ZNF248: variants seen among roughly 807,000 people sequenced by gnomAD.
ZNF248 encodes the protein zinc finger protein 248.
ZNF248 carries 20 observed loss-of-function variants against 44.3 expected under a neutral mutation model. The observed-to-expected ratio is 0.45, with a 90% confidence interval of 0.32 to 0.66. The LOEUF (loss-of-function observed/expected upper bound fraction) is 0.66. Among genes scored for constraint, ZNF248 ranks in the 30% least tolerant of loss-of-function variants. The pLI, the probability that ZNF248 is intolerant of heterozygous loss-of-function variation, is 0.04. For synonymous variants in ZNF248, 224 were observed against 229.0 expected (o/e 0.98, Z 0.20); for missense variants, 654 against 677.0 (o/e 0.97, Z 0.38).
the ZNF248 span, among the ~76,000 whole-genome samples, chr10:37,766,019 C>A: frequency 1.3e-5 from 2 of 152,384 alleles, no homozygotes; most frequent in East Asian, 3.9e-4. Flanking sequence ...GCTAGCACAG[C>A]AGTCTGAGAT....
chr10:37,819,250 T>C, intron 6 of ZNF248: 1 of 869,084 alleles, frequency 1.2e-6, no homozygotes, highest in South Asian at 1.3e-5. Context: ...ATTTGTGCCG[T>C]TTCAGATAGA....
intron 4 of ZNF248, 122 bp downstream of exon 4, chr10:37,837,863 G>A: frequency 7.0e-7 from 1 of 1,419,354 alleles, no homozygotes; most frequent in Non-Finnish European, 9.6e-7. Flanking sequence ...GCACCTTTAT[G>A]GTGGCCAAAT....
At chr10:37,772,258 G>C (rs1194798645), downstream of ZNF248, among the ~76,000 whole-genome samples, 4 of 147,668 alleles carry the variant, frequency 2.7e-5, no homozygotes, top group African/African-American at 1.0e-4. Flanking sequence ...GAGTGAGACT[G>C]TCTCAAGAAA....
At chr10:37,784,680 C>T (rs2047684456) in intron 6 of ZNF248, among the ~76,000 whole-genome samples, 1 of 152,142 alleles carries the variant, frequency 6.6e-6, no homozygotes, top group Admixed American at 6.5e-5. Context: ...TTGTCTCGTC[C>T]TAGTCTTGCT....
At chr10:37,768,264 C>T in the ZNF248 span, among the ~76,000 whole-genome samples, 16,691 of 152,190 alleles carry the variant, frequency 0.11, 1,166 homozygotes, top group Admixed American at 0.19. Context: ...CTCAGCTCTG[C>T]ACCAAGCAGA....
At chr10:37,833,227 G>T in intron 5 of ZNF248, 111 bp from the exon 6 acceptor site, 1 of 1,413,556 alleles carries the variant, frequency 7.1e-7, no homozygotes, top group Non-Finnish European at 9.2e-7. Flanking sequence ...TTTAAATTCA[G>T]TTTCCTGGTG....
chr10:37,769,965 C>T, the ZNF248 span, among the ~76,000 whole-genome samples: 2 of 152,158 alleles, frequency 1.3e-5, no homozygotes, highest in Non-Finnish European at 2.9e-5. Flanking sequence ...CACAAGCATT[C>T]TTATACACCA....
intron 1 of ZNF248, 117 bp downstream of exon 1, chr10:37,857,068 G>A (rs1215844192): frequency 1.3e-5 from 2 of 152,272 alleles, no homozygotes; most frequent in East Asian, 1.9e-4. Flanking sequence ...TTCGCGGAGG[G>A]GTGATAACAG....
intron 3 of ZNF248, among the ~76,000 whole-genome samples, chr10:37,850,384 G>C (rs1224787123): frequency 6.6e-6 from 1 of 152,142 alleles, no homozygotes; most frequent in African/African-American, 2.4e-5. Context: ...CTTAAAATCA[G>C]TATCTTGATG....
chr10:37,816,978 T>C (rs1365747532), intron 6 of ZNF248, among the ~76,000 whole-genome samples: 3 of 152,070 alleles, frequency 2.0e-5, no homozygotes, highest in Non-Finnish European at 2.9e-5. Context: ...ATGCCTGAGA[T>C]AGAGCCTGTG....
In ZNF248 at chr10:37,831,947, C is replaced by A; in HGVS notation, c.1408G>T (p.Gly470Trp). 1 of 1,614,010 alleles carries A rather than the reference C, an allele frequency of 6.2e-7. No homozygotes were observed. Among genetic ancestry groups the A allele is most frequent in the Non-Finnish European group, 8.5e-7 (1 of 1,179,916 alleles). Residue 470 changes from glycine to tryptophan, a missense_variant, in exon 6 of 6, where the codon GGG becomes TGG. Gly to Trp is a radical substitution (Grantham distance 184). Coordinates refer to ENST00000395867, the MANE Select transcript of ZNF248 (RefSeq NM_021045.3). ...GEKPYECNAC[G>W]KSFCHRSALT... ...GCTGATCTGTGGCAGAAGGATTTCC[C>A]ACATGCATTACATTCATAGGGCTTC...
the ZNF248 span, among the ~76,000 whole-genome samples, chr10:37,764,960 CCT>C: frequency 7.1e-6 from 1 of 141,592 alleles, no homozygotes; most frequent in African/African-American, 2.8e-5. Context: ...ACTTTTTGAG[CCT>C]TTTTTTTTTT....
chr10:37,776,681 T>C (rs1588941195), intron 6 of ZNF248: 1 of 386,054 alleles, frequency 2.6e-6, no homozygotes, highest in Non-Finnish European at 4.6e-6. Context: ...GAAGGTTGGA[T>C]GGTGCAGGAG....
At chr10:37,786,433 C>A (rs1589054836) in intron 6 of ZNF248, among the ~76,000 whole-genome samples, 1 of 152,066 alleles carries the variant, frequency 6.6e-6, no homozygotes, top group Non-Finnish European at 1.5e-5. Context: ...AGGCAACCAA[C>A]AACATCAGCT....
At chr10:37,855,491 TA>T (rs2061129312) in intron 3 of ZNF248, among the ~76,000 whole-genome samples, 1 of 151,780 alleles carries the variant, frequency 6.6e-6, no homozygotes, top group Non-Finnish European at 1.5e-5. Context: ...AGAACCTAAG[TA>T]GGCTAAGGAT....
intron 6 of ZNF248, chr10:37,794,533 A>T: frequency 6.1e-6 from 1 of 163,468 alleles, no homozygotes; most frequent in Non-Finnish European, 1.4e-5. Context: ...ATGTACTGTG[A>T]GGCATGAATT....
chr10:37,821,649 G>C (rs1016060848), intron 6 of ZNF248, among the ~76,000 whole-genome samples: 29 of 152,240 alleles, frequency 1.9e-4, no homozygotes, highest in African/African-American at 5.5e-4. Flanking sequence ...GGCAACCACA[G>C]CCAACCCACT....
chr10:37,845,223 T>C (rs933265589), intron 3 of ZNF248, among the ~76,000 whole-genome samples: 4 of 152,006 alleles, frequency 2.6e-5, no homozygotes, highest in Admixed American at 2.0e-4. Context: ...GGTTTTGCCA[T>C]GTCAGGCTGG....
At position 37,832,889 on chromosome 10, in the gene ZNF248, T is replaced by C. The variant is rs1457307465; in HGVS notation, c.466A>G (p.Ser156Gly). ...TTCTTTCTGGAACAGTTCTTTTTAC[T>C]AATAATTAAGCCCGAAATATTTTTC... is the stretch of plus-strand genomic sequence containing the variant. ...NLKNISGLII[S>G]KKNCSRKKPD... The change falls in exon 6 of 6, where the codon AGT becomes GGT. Residue 156 changes from serine (S) to glycine (G), a missense_variant. Transcript: ENST00000395867. 1 of 1,613,468 alleles carries C rather than the reference T, an allele frequency of 6.2e-7. No individual in the cohort carries two copies. Among genetic ancestry groups the C allele is most frequent in the Non-Finnish European group, 8.5e-7 (1 of 1,179,724 alleles).
Sources: gnomAD v4.1 joint callset for allele counts (sites outside exome capture counted in the v4.1 genomes callset) on GRCh38, gnomAD v4.1.1 for gene constraint, MANE v1.5 for transcripts, NCBI Gene and HGNC (gene_info 2026-07-23, HGNC 2026-07-21) for gene names.